Variants in SHC3 observed in about 807,000 individuals in gnomAD.
The protein encoded by SHC3 is SHC-transforming protein 3.
Under a neutral mutation model 60.4 loss-of-function variants are expected in SHC3, and 15 were observed. That is an observed-to-expected ratio of 0.25 (90% confidence interval 0.17 to 0.38). The LOEUF is 0.38. Among genes scored for constraint, SHC3 ranks in the 10% least tolerant of loss-of-function variants. SHC3 has a pLI of 1.00. For synonymous variants in SHC3, 294 were observed against 325.9 expected, an observed-to-expected ratio of 0.90 and a Z score of 1.05; for missense variants, 677 against 786.1, an observed-to-expected ratio of 0.86 and a Z score of 1.66.
intron 1 of SHC3, among the ~76,000 whole-genome samples, chr9:89,153,650 A>C (rs1826578523): frequency 6.6e-6 from 1 of 152,100 alleles, no homozygotes; most frequent in African/African-American, 2.4e-5. Context: ...CCTCCTGTCC[A>C]CCTCAAGGGT....
chr9:89,131,495 T>C (rs1826244014), intron 1 of SHC3, among the ~76,000 whole-genome samples: 1 of 152,184 alleles, frequency 6.6e-6, no homozygotes. Context: ...TGCACATCGA[T>C]GCAAAAATCC....
chr9:89,125,365 A>G (rs1826149459), intron 1 of SHC3, among the ~76,000 whole-genome samples: 1 of 151,196 alleles, frequency 6.6e-6, no homozygotes, highest in Admixed American at 6.6e-5. Flanking sequence ...TTTTTTTTTC[A>G]ATTAAGTCTC....
chr9:89,047,592 C>T (rs992973453), intron 7 of SHC3, among the ~76,000 whole-genome samples: 34 of 152,268 alleles, frequency 2.2e-4, no homozygotes, highest in African/African-American at 8.2e-4. Context: ...AGGATTTGAG[C>T]AGACTTTTCT....
chr9:89,120,106 C>T (rs1826072528), intron 1 of SHC3, among the ~76,000 whole-genome samples: 1 of 152,016 alleles, frequency 6.6e-6, no homozygotes, highest in Non-Finnish European at 1.5e-5. Context: ...ACCCCATACA[C>T]AAATATAAAC....
chr9:89,177,443 T>G (rs2118282276), intron 1 of SHC3, among the ~76,000 whole-genome samples: 1 of 151,806 alleles, frequency 6.6e-6, no homozygotes, highest in South Asian at 2.1e-4. Flanking sequence ...CTGGACTGGG[T>G]GAGAAAGTAA....
At chr9:89,175,160 T>C (rs1371422266) in intron 1 of SHC3, among the ~76,000 whole-genome samples, 1 of 152,256 alleles carries the variant, frequency 6.6e-6, no homozygotes, top group East Asian at 1.9e-4. Flanking sequence ...TTCCTTGTTC[T>C]TTCTTTTACG....
intron 2 of SHC3, among the ~76,000 whole-genome samples, chr9:89,096,807 T>C (rs1241036361): frequency 1.3e-5 from 2 of 152,230 alleles, no homozygotes; most frequent in Non-Finnish European, 2.9e-5. Context: ...CTCATCATCC[T>C]AAAATGCACA....
intron 2 of SHC3, among the ~76,000 whole-genome samples, chr9:89,080,734 AAT>A (rs10591505): frequency 0.66 from 87,309 of 131,740 alleles, 28,926 homozygotes; most frequent in East Asian, 0.91. Flanking sequence ...AACTAGGAAG[AAT>A]ATATATATAT....
chr9:89,080,402 T>G (rs1825425181), intron 2 of SHC3, among the ~76,000 whole-genome samples: 1 of 152,192 alleles, frequency 6.6e-6, no homozygotes. Flanking sequence ...CCGCCAGATG[T>G]GAACCCTCAT....
At chr9:89,107,304 C>T (rs1825877377) in intron 2 of SHC3, among the ~76,000 whole-genome samples, 1 of 152,206 alleles carries the variant, frequency 6.6e-6, no homozygotes, top group Non-Finnish European at 1.5e-5. Context: ...AAGTATGTGG[C>T]CCCTTGCCCT....
chr9:89,051,657 C>T (rs1239990280), intron 7 of SHC3, among the ~76,000 whole-genome samples: 1 of 152,192 alleles, frequency 6.6e-6, no homozygotes, highest in African/African-American at 2.4e-5. Flanking sequence ...ACGACTTTGG[C>T]TAATCGTAAC....
chr9:89,109,507 TA>T (rs1271466335), intron 2 of SHC3: 1 of 985,380 alleles, frequency 1.0e-6, no homozygotes, highest in Admixed American at 6.1e-5. Context: ...TGAGAGCATT[TA>T]TAGAATGTTG....
chr9:89,023,008 T>A (rs1420323680), intron 11 of SHC3, among the ~76,000 whole-genome samples: 1 of 152,228 alleles, frequency 6.6e-6, no homozygotes, highest in African/African-American at 2.4e-5. Flanking sequence ...ACAACAACCA[T>A]AAACAGCTTG....
chr9:89,006,977 A>G lies in SHC3; in HGVS notation c.*6470T>C, dbSNP rs1324195730. The stretch of plus-strand genomic sequence containing the variant: ...CTCAGGACCACAGCTCCCCATGTGC[A>G]TGTTTTTCTGTCTGCAGTATTTCAA... On this transcript the variant is annotated 3_prime_UTR_variant, in exon 12 of 12. Transcript: ENST00000375835. The G allele has an allele frequency of 6.6e-6, 1 of 152,224 alleles. No individual in the cohort carries two copies. The highest frequency in any genetic ancestry group is 1.5e-5 in the Non-Finnish European group (1 of 68,038). 9.4% of individuals were successfully genotyped at this position (152,224 alleles called of 1,614,324 possible). A position where few individuals can be genotyped will look rare whatever the true frequency, so the allele number is the denominator to read the frequency against.
At chr9:89,156,488 T>A (rs75021728) in intron 1 of SHC3, among the ~76,000 whole-genome samples, 3,637 of 152,286 alleles carry the variant, frequency 0.024, 63 homozygotes, top group Middle Eastern at 0.082. Context: ...ATAATTTTTT[T>A]AATCTTCGGT....
intron 6 of SHC3, among the ~76,000 whole-genome samples, chr9:89,056,286 G>A (rs934914271): frequency 6.6e-6 from 1 of 151,664 alleles, no homozygotes; most frequent in Non-Finnish European, 1.5e-5. Flanking sequence ...CACTCTTGTC[G>A]CCCAGGCTGG....
chr9:89,110,619 G>C (rs948438778), intron 2 of SHC3, among the ~76,000 whole-genome samples: 3 of 152,142 alleles, frequency 2.0e-5, no homozygotes. Context: ...CCAGCTATTA[G>C]CTAAAGTAAG....
chr9:89,107,861 A>T (rs927835520), intron 2 of SHC3, among the ~76,000 whole-genome samples: 1 of 152,238 alleles, frequency 6.6e-6, no homozygotes. Context: ...ATTTAAATCA[A>T]CATTAAAGGT....
At chr9:89,133,472 T>C (rs1329753579) in intron 1 of SHC3, among the ~76,000 whole-genome samples, 4 of 152,212 alleles carry the variant, frequency 2.6e-5, no homozygotes, top group Non-Finnish European at 5.9e-5. Flanking sequence ...GTATGTTCAC[T>C]GTGGCACTAT....
Sources: gnomAD v4.1 joint callset for allele counts (sites outside exome capture counted in the v4.1 genomes callset) on GRCh38, gnomAD v4.1.1 for gene constraint, MANE v1.5 for transcripts, NCBI Gene and HGNC (gene_info 2026-07-23, HGNC 2026-07-21) for gene names.